Variants in LRCH1 observed in about 807,000 individuals in gnomAD.
The protein encoded by LRCH1 is leucine rich repeats and calponin homology domain containing 1, also known as leucine-rich repeat and calponin homology domain-containing protein 1.
In LRCH1, 23 loss-of-function variants were observed where a neutral mutation model predicts 94.9. That is an observed-to-expected ratio of 0.24 (90% CI 0.17 to 0.34). The LOEUF (loss-of-function observed/expected upper bound fraction) is 0.34. Ranked by LOEUF, LRCH1 falls within the 10% of genes least tolerant of loss-of-function variation. The probability of loss-of-function intolerance (pLI) is 1.00; values close to 1 mark genes in which losing one functional copy is unlikely to be tolerated. For missense variants in LRCH1, 790 were observed against 945.9 expected, an observed-to-expected ratio of 0.84 and a Z score of 2.16; for synonymous variants, 364 against 354.9, an observed-to-expected ratio of 1.03 and a Z score of -0.29.
At chr13:46,570,891 A>G (rs2050233887) in intron 1 of LRCH1, among the ~76,000 whole-genome samples, 1 of 152,256 alleles carries the variant, frequency 6.6e-6, no homozygotes, top group South Asian at 2.1e-4. Flanking sequence ...AAGATGACTT[A>G]GTATTCCCAT....
chr13:46,643,506 A>T (rs535638282), intron 1 of LRCH1, among the ~76,000 whole-genome samples: 1 of 152,296 alleles, frequency 6.6e-6, no homozygotes, highest in South Asian at 2.1e-4. Context: ...AAAATTTTGA[A>T]CATGTACGTA....
At chr13:46,584,427 C>T (rs756057539) in intron 1 of LRCH1, among the ~76,000 whole-genome samples, 9 of 152,196 alleles carry the variant, frequency 5.9e-5, no homozygotes, top group Admixed American at 3.3e-4. Flanking sequence ...AACAAGATTT[C>T]GGGTGATCTG....
Position 46,701,449 on chromosome 13 carries a change from T to A in LRCH1, c.1400+242T>A, listed in dbSNP as rs1411884524. Among the ~76,000 whole-genome samples the A allele has an allele frequency of 2.0e-5, 3 of 152,318 alleles. No individual in the cohort carries two copies. The East Asian group carries it at 5.8e-4, about 29-fold the overall frequency. On this transcript the variant is annotated intron_variant, in intron 11 of 19. Transcript: ENST00000389797. ...CTTTATTGAGTTCATTCACCCCTCA[T>A]GAAGTTCATATGGGAGTTTTTGGTA...
At position 46,694,981 on chromosome 13, in the gene LRCH1, A is replaced by G; in HGVS notation, c.1209A>G (p.Arg403=). ...AAGAAAGAGACCAGTTTACTGATAG[A>G]GCAGATGGTCTCCATTCGGAATTTA... is the stretch of plus-strand genomic sequence containing the variant. ...SGEERDQFTD[R]ADGLHSEFMN... Residue 403 remains arginine, a synonymous_variant, in exon 9 of 20, where the codon AGA becomes AGG. Transcript: ENST00000389797. The G allele has an allele frequency of 2.5e-6, 4 of 1,614,096 alleles. No individual in the cohort carries two copies. Among genetic ancestry groups the G allele is most frequent in the Non-Finnish European group, 3.4e-6 (4 of 1,179,942 alleles).
At chr13:46,738,989 G>T (rs1164093742) in intron 19 of LRCH1, among the ~76,000 whole-genome samples, 1 of 152,096 alleles carries the variant, frequency 6.6e-6, no homozygotes, top group Admixed American at 6.6e-5. Flanking sequence ...AAATATTGCA[G>T]AATGACCATG....
rs541846816 is a variant in LRCH1 at position 46,678,379 on chromosome 13, T to C, written c.580-3362T>C. Among the ~76,000 whole-genome samples, 22 of 152,378 alleles carry C rather than the reference T, an allele frequency of 1.4e-4. No individual in the cohort carries two copies. In the South Asian group the frequency reaches 3.9e-3, roughly 27 times the overall value. On this transcript the variant is annotated intron_variant, in intron 3 of 19. Coordinates refer to ENST00000389797, the MANE Select transcript of LRCH1 (RefSeq NM_001164211.2). ...CTTTTTAAAACGTGGCAAGTTTCAA[T>C]GCCTTGTGGGAATAGAGTTTTGCAC...
At chr13:46,640,001 T>A (rs986166343) in intron 1 of LRCH1, among the ~76,000 whole-genome samples, 1 of 152,188 alleles carries the variant, frequency 6.6e-6, no homozygotes, top group Admixed American at 6.5e-5. Flanking sequence ...TCATCTTACT[T>A]CTTCTTCCCA....
rs1370009902 is a variant in LRCH1 at position 46,686,011 on chromosome 13, G to A, written c.792G>A (p.Glu264=). The A allele has an allele frequency of 1.2e-6, 2 of 1,608,192 alleles. No homozygotes were observed. Among genetic ancestry groups the A allele is most frequent in the Middle Eastern group, 1.7e-4 (1 of 6,052 alleles). Residue 264 remains glutamate (E), a synonymous_variant, in exon 5 of 20, where the codon GAG becomes GAA. Transcript: ENST00000389797. The stretch of plus-strand genomic sequence containing the variant: ...AGCAGCTGCAAGTGTTACTACTTGA[G>A]AATAACCCTCTGCAGTCTCCTCCAG... The part of the protein sequence containing the change: ...EMKQLQVLLL[E]NNPLQSPPAQ...
At chr13:46,708,144 C>T (rs1195145084) in intron 13 of LRCH1, among the ~76,000 whole-genome samples, 2 of 152,090 alleles carry the variant, frequency 1.3e-5, no homozygotes, top group African/African-American at 4.8e-5. Context: ...GAAGAGCGGC[C>T]ATTATACTTA....
chr13:46,574,557 CAA>C (rs2050280164), intron 1 of LRCH1, among the ~76,000 whole-genome samples: 1 of 152,114 alleles, frequency 6.6e-6, no homozygotes, highest in Non-Finnish European at 1.5e-5. Flanking sequence ...GACTGATAAA[CAA>C]GAGCACTTTT....
chr13:46,567,529 T>TC (rs2050198029), intron 1 of LRCH1, among the ~76,000 whole-genome samples: 2 of 151,734 alleles, frequency 1.3e-5, no homozygotes, highest in Admixed American at 6.6e-5. Context: ...TGTGTGTGTT[T>TC]TCCTGGTGTT....
At chr13:46,656,647 G>A (rs974272671) in intron 2 of LRCH1, among the ~76,000 whole-genome samples, 1 of 152,258 alleles carries the variant, frequency 6.6e-6, no homozygotes, top group African/African-American at 2.4e-5. Flanking sequence ...AGTTGGAAGA[G>A]GCCATTGGAG....
chr13:46,740,200 C>G (rs1251879313), intron 19 of LRCH1, among the ~76,000 whole-genome samples: 1 of 152,176 alleles, frequency 6.6e-6, no homozygotes, highest in Admixed American at 6.5e-5. Context: ...ATCAGTCTCC[C>G]AGTGAAATCC....
At chr13:46,671,606 CTAGGTGAAAGCTT>C (rs560947051) in intron 3 of LRCH1, among the ~76,000 whole-genome samples, 3 of 152,310 alleles carry the variant, frequency 2.0e-5, no homozygotes, top group African/African-American at 7.2e-5. Context: ...AAAAAATTTC[CTAGGTGAAAGCTT>C]TGGATGAAAG....
rs368369565 is a variant in LRCH1, at chr13:46,700,768, C to T, written c.1314-353C>T. ...GGAAGGCCCAGAAGTAGTACAGACT[C>T]AGCCAGGTGATCCCCTCCATGCAGC... On this transcript the variant is annotated intron_variant, in intron 10 of 19. Coordinates refer to ENST00000389797, the MANE Select transcript of LRCH1 (RefSeq NM_001164211.2). 5.3e-5 allele frequency among the ~76,000 whole-genome samples: 8 copies of T among 152,344 alleles called. No homozygotes were observed. In the South Asian group the frequency reaches 1.4e-3, roughly 28 times the overall value.
rs535191219 is a variant in LRCH1 at position 46,665,065 on chromosome 13, T to C, written c.453-3965T>C. Among the ~76,000 whole-genome samples, 3 of 152,324 alleles carry C rather than the reference T, an allele frequency of 2.0e-5. No individual in the cohort carries two copies. The South Asian group carries it at 6.2e-4, about 32-fold the overall frequency. ...TTGTTATATAAATTTTTCTATAAAT[T>C]ATTTTCTAAGTGAAAATAATTTTCT... is the stretch of plus-strand genomic sequence containing the variant. On this transcript the variant is annotated intron_variant, in intron 2 of 19. Coordinates refer to ENST00000389797, the MANE Select transcript of LRCH1 (RefSeq NM_001164211.2).
intron 1 of LRCH1, among the ~76,000 whole-genome samples, chr13:46,607,774 T>C (rs1566173214): frequency 6.6e-6 from 1 of 152,098 alleles, no homozygotes; most frequent in Admixed American, 6.6e-5. Context: ...TTATTATCTA[T>C]TAACCAGGTG....
chr13:46,573,864 A>ATTTT (rs1379306188), intron 1 of LRCH1, among the ~76,000 whole-genome samples: 34 of 59,972 alleles, frequency 5.7e-4, no homozygotes, highest in Non-Finnish European at 5.9e-4. Flanking sequence ...ATATATATAT[A>ATTTT]TATTTTTTTT....
At chr13:46,557,864 A>C (rs1466224966) in intron 1 of LRCH1, among the ~76,000 whole-genome samples, 3 of 152,106 alleles carry the variant, frequency 2.0e-5, no homozygotes, top group Non-Finnish European at 2.9e-5. Context: ...ATCTCAAAAA[A>C]TGAATGAATA....
Sources: gnomAD v4.1 joint callset for allele counts (sites outside exome capture counted in the v4.1 genomes callset) on GRCh38, gnomAD v4.1.1 for gene constraint, MANE v1.5 for transcripts, NCBI Gene and HGNC (gene_info 2026-07-23, HGNC 2026-07-21) for gene names.